Variants in TRIM75 observed in about 807,000 individuals in gnomAD.
TRIM75 encodes the protein tripartite motif containing 75.
the TRIM75 span, among the ~76,000 whole-genome samples, chr4:165,056,111 G>C: frequency 6.6e-6 from 1 of 151,660 alleles, no homozygotes; most frequent in Non-Finnish European, 1.5e-5. Context: ...ATTTTTAGTA[G>C]AGACAGGGTT....
the TRIM75 span, among the ~76,000 whole-genome samples, chr4:165,054,107 T>C: frequency 1.1e-4 from 16 of 151,924 alleles, no homozygotes; most frequent in Admixed American, 2.0e-4. Flanking sequence ...TCATTTATTT[T>C]TTTGAGACGC....
the TRIM75 span, chr4:165,059,977 G>A: frequency 1.3e-6 from 1 of 778,536 alleles, no homozygotes; most frequent in East Asian, 2.4e-5. Context: ...GATGGCTGCA[G>A]TTTTCCTCCC....
chr4:165,054,842 G>A, the TRIM75 span, among the ~76,000 whole-genome samples: 1 of 152,148 alleles, frequency 6.6e-6, no homozygotes, highest in African/African-American at 2.4e-5. Context: ...AAAATGAGGT[G>A]ACTGATATCT....
chr4:165,059,213 C>T, the TRIM75 span: 2 of 780,098 alleles, frequency 2.6e-6, no homozygotes, highest in East Asian at 4.9e-5. Context: ...GTCTGGATTA[C>T]CTGAGTGACC....
chr4:165,055,356 C>T, the TRIM75 span, among the ~76,000 whole-genome samples: 1 of 149,010 alleles, frequency 6.7e-6, no homozygotes, highest in Middle Eastern at 3.4e-3. Context: ...ACGATCCTGG[C>T]TCACCGCAAC....
chr4:165,055,456 G>A, the TRIM75 span, among the ~76,000 whole-genome samples: 19 of 151,744 alleles, frequency 1.3e-4, no homozygotes, highest in Non-Finnish European at 7.4e-5. Context: ...GGCTAGTTTT[G>A]TATTTTTAGT....
the TRIM75 span, among the ~76,000 whole-genome samples, chr4:165,054,706 G>T: frequency 5.9e-5 from 9 of 152,212 alleles, no homozygotes; most frequent in African/African-American, 1.4e-4. Context: ...GCGGCATAAG[G>T]TTATTTTAAA....
chr4:165,059,133 T>G, the TRIM75 span: 2,884 of 761,500 alleles, frequency 3.8e-3, 48 homozygotes, highest in African/African-American at 0.036. Context: ...GGTCGAGACC[T>G]TCACCGACAG....
the TRIM75 span, chr4:165,059,574 A>C: frequency 1.3e-6 from 1 of 780,916 alleles, no homozygotes. Context: ...TTATAGGAAA[A>C]GATTCTGCAG....
At chr4:165,059,463 G>A in the TRIM75 span, 9 of 780,768 alleles carry the variant, frequency 1.2e-5, no homozygotes, top group Admixed American at 3.4e-5. Flanking sequence ...GCCCCTGAGC[G>A]TTTTCTGCAA....
the TRIM75 span, among the ~76,000 whole-genome samples, chr4:165,054,990 C>T: frequency 1.3e-5 from 2 of 152,144 alleles, no homozygotes; most frequent in South Asian, 4.1e-4. Context: ...GCCCTGAGGT[C>T]CCCATCAGGC....
chr4:165,057,697 A>T, the TRIM75 span, among the ~76,000 whole-genome samples: 2 of 151,732 alleles, frequency 1.3e-5, no homozygotes, highest in African/African-American at 4.8e-5. Flanking sequence ...TGCCAGGCTA[A>T]TTTTTTTTGT....
At chr4:165,054,903 C>G in the TRIM75 span, among the ~76,000 whole-genome samples, 3 of 151,948 alleles carry the variant, frequency 2.0e-5, no homozygotes, top group East Asian at 5.8e-4. Context: ...GTGGAATTAC[C>G]TTCCAGGATG....
At chr4:165,058,023 A>G in the TRIM75 span, among the ~76,000 whole-genome samples, 1 of 152,042 alleles carries the variant, frequency 6.6e-6, no homozygotes, top group Non-Finnish European at 1.5e-5. Flanking sequence ...ATTTTCGCAA[A>G]TTTTGTTTAT....
chr4:165,054,500 C>G, the TRIM75 span, among the ~76,000 whole-genome samples: 98 of 152,240 alleles, frequency 6.4e-4, 1 homozygote, highest in South Asian at 0.02. Context: ...ATCTTCTGAC[C>G]TCGTGATCCA....
the TRIM75 span, chr4:165,059,884 T>C: frequency 2.6e-6 from 2 of 779,662 alleles, no homozygotes; most frequent in Non-Finnish European, 4.8e-6. Flanking sequence ...CTGTCTGAAC[T>C]GGAATTGCTG....
At chr4:165,059,826 A>C in the TRIM75 span, 1 of 780,928 alleles carries the variant, frequency 1.3e-6, no homozygotes, top group Middle Eastern at 2.3e-4. Flanking sequence ...TTCAAACTAC[A>C]GTGCCACACT....
chr4:165,054,479 G>T, the TRIM75 span, among the ~76,000 whole-genome samples: 4 of 152,142 alleles, frequency 2.6e-5, no homozygotes, highest in Non-Finnish European at 5.9e-5. Flanking sequence ...ATGTTGGCCA[G>T]TATGGTCTCG....
chr4:165,059,241 G>A, the TRIM75 span: 1 of 780,368 alleles, frequency 1.3e-6, no homozygotes, highest in South Asian at 1.3e-5. Context: ...CATCGAATGT[G>A]GGCACAACTT....
Sources: allele counts gnomAD v4.1 joint callset (sites outside exome capture counted in the v4.1 genomes callset), GRCh38; gene constraint gnomAD v4.1.1; transcripts MANE v1.5; gene names NCBI Gene and HGNC (gene_info 2026-07-23, HGNC 2026-07-21).